ESR1: variants seen among roughly 807,000 people sequenced by gnomAD.
ESR1 encodes estrogen receptor.
In ESR1, 12 loss-of-function variants were observed where a neutral mutation model predicts 52.7. That is an observed-to-expected ratio of 0.23 (90% CI 0.15 to 0.37). The LOEUF (loss-of-function observed/expected upper bound fraction) is 0.37. Ranked by LOEUF, ESR1 falls within the 10% of genes least tolerant of loss-of-function variation. The pLI is 1.00. For missense variants in ESR1, 584 were observed against 779.7 expected, an observed-to-expected ratio of 0.75 and a Z score of 2.99; for synonymous variants, 305 against 316.8, an observed-to-expected ratio of 0.96 and a Z score of 0.39.
intron 5 of ESR1, among the ~76,000 whole-genome samples, chr6:152,034,939 A>G (rs2045151064): frequency 6.6e-6 from 1 of 152,214 alleles, no homozygotes; most frequent in South Asian, 2.1e-4. Flanking sequence ...GGAGTGATAG[A>G]TGTTTGCTAA....
intron 1 of ESR1, among the ~76,000 whole-genome samples, chr6:151,697,979 T>C (rs1482340434): frequency 1.3e-5 from 2 of 152,054 alleles, no homozygotes; most frequent in Non-Finnish European, 2.9e-5. Flanking sequence ...GCGCCTGTAG[T>C]CCCAGCTACT....
rs1166827378 is a variant in ESR1 at position 152,053,124 on chromosome 6, GA to G, written c.1236-7866del. ...CACATTTATTTCTTCTCATATCCTC[GA>G]GTTAGAAAAAGGTATTTCTCTCCTG... is the stretch of plus-strand genomic sequence containing the variant. On this transcript the variant is annotated intron_variant, in intron 5 of 7. Transcript: ENST00000206249. The surrounding 1 kb of genome is among the most constrained non-coding windows in gnomAD (Gnocchi z 4.1). Among the ~76,000 whole-genome samples the G allele has an allele frequency of 6.6e-6, 1 of 151,900 alleles. No individual in the cohort carries two copies. Among genetic ancestry groups the G allele is most frequent in the Non-Finnish European group, 1.5e-5 (1 of 67,966 alleles).
At chr6:152,035,755 A>C (rs548835560) in intron 5 of ESR1, among the ~76,000 whole-genome samples, 34 of 152,296 alleles carry the variant, frequency 2.2e-4, no homozygotes, top group African/African-American at 7.9e-4. Context: ...TCAGAAACCA[A>C]ACTCTACATT....
At chr6:151,686,048 C>A (rs1778651615), upstream of ESR1, among the ~76,000 whole-genome samples, 1 of 142,030 alleles carries the variant, frequency 7.0e-6, no homozygotes, top group Admixed American at 6.8e-5. Context: ...GCCATCACAT[C>A]CAGCTAATTA....
At chr6:151,832,635 C>T (rs1254254929) in intron 1 of ESR1, among the ~76,000 whole-genome samples, 1 of 152,154 alleles carries the variant, frequency 6.6e-6, no homozygotes, top group Non-Finnish European at 1.5e-5. Context: ...GCAACAGACT[C>T]AGCTATGCTT....
intron 1 of ESR1, among the ~76,000 whole-genome samples, chr6:151,698,248 C>A (rs1582927219): frequency 6.6e-6 from 1 of 152,034 alleles, no homozygotes; most frequent in East Asian, 1.9e-4. Flanking sequence ...CGCCTGTAGT[C>A]CCAGCTACTT....
intron 2 of ESR1, among the ~76,000 whole-genome samples, chr6:151,788,524 C>T (rs1374334603): frequency 6.6e-6 from 1 of 152,172 alleles, no homozygotes; most frequent in Admixed American, 6.5e-5. Context: ...TTAGTTCAAT[C>T]ATTGTGAAAA....
chr6:151,962,803 AT>A (rs1188435150), intron 4 of ESR1, among the ~76,000 whole-genome samples: 20 of 152,112 alleles, frequency 1.3e-4, no homozygotes, highest in Admixed American at 6.5e-5. Flanking sequence ...AGGCAGGACT[AT>A]TTTTTAAGAT....
intron 4 of ESR1, among the ~76,000 whole-genome samples, chr6:151,968,760 G>A (rs1185502747): frequency 6.6e-6 from 1 of 152,164 alleles, no homozygotes; most frequent in African/African-American, 2.4e-5. Flanking sequence ...TTCCGGGTCA[G>A]TGGATGGAGC....
intron 1 of ESR1, among the ~76,000 whole-genome samples, chr6:151,839,938 C>A (rs563305770): frequency 6.6e-6 from 1 of 151,896 alleles, no homozygotes; most frequent in African/African-American, 2.4e-5. Flanking sequence ...AGCGTGGTTA[C>A]GATGGTAAAT....
intron 3 of ESR1, among the ~76,000 whole-genome samples, chr6:151,903,860 TA>T (rs1454467417): frequency 6.6e-6 from 1 of 152,162 alleles, no homozygotes; most frequent in South Asian, 2.1e-4. Context: ...AACTTAGTAT[TA>T]AAAAAATATA....
At chr6:151,841,775 C>T (rs1784328709) in intron 1 of ESR1, among the ~76,000 whole-genome samples, 2 of 151,824 alleles carry the variant, frequency 1.3e-5, no homozygotes, top group Non-Finnish European at 2.9e-5. Flanking sequence ...TTGTCATGAT[C>T]AATCATAGCC....
chr6:151,737,241 T>G (rs1782746896), intron 2 of ESR1, among the ~76,000 whole-genome samples: 1 of 152,198 alleles, frequency 6.6e-6, no homozygotes, highest in Non-Finnish European at 1.5e-5. Flanking sequence ...GTGCATGTTA[T>G]TTTTAGACGT....
chr6:151,685,107 C>CTTTTTTTTTTTTTTTTTTTTTT (rs772122906), intron 1 of ESR1, among the ~76,000 whole-genome samples: 1 of 72,914 alleles, frequency 1.4e-5, no homozygotes, highest in African/African-American at 5.5e-5. Context: ...ACACTGGCCT[C>CTTTTTTTTTTTTTTTTTTTTTT]TTTTTTTTTT....
chr6:151,686,080 T>A (rs1047882204), upstream of ESR1, among the ~76,000 whole-genome samples: 2 of 147,416 alleles, frequency 1.4e-5, no homozygotes, highest in Non-Finnish European at 3.0e-5. Context: ...TTTTTTTTTT[T>A]TTTTTTTTAT....
intron 1 of ESR1, among the ~76,000 whole-genome samples, chr6:151,658,017 T>C (rs1346732599): frequency 2.0e-5 from 3 of 152,166 alleles, no homozygotes; most frequent in African/African-American, 7.2e-5. Context: ...GCTAGTTTTG[T>C]TTAACGATTT....
At chr6:151,703,636 A>C (rs781240394) in intron 2 of ESR1, among the ~76,000 whole-genome samples, 1 of 152,168 alleles carries the variant, frequency 6.6e-6, no homozygotes, top group Non-Finnish European at 1.5e-5. Context: ...GGGAGAGATA[A>C]TGAAGGAGGG....
At chr6:152,016,148 T>A (rs1051195727) in intron 5 of ESR1, among the ~76,000 whole-genome samples, 17 of 152,162 alleles carry the variant, frequency 1.1e-4, no homozygotes, top group African/African-American at 3.9e-4. Context: ...CCTGCTGCCA[T>A]GTAAGATGTG....
chr6:151,853,634 T>C (rs1215270726), intron 2 of ESR1, among the ~76,000 whole-genome samples: 1 of 152,186 alleles, frequency 6.6e-6, no homozygotes, highest in South Asian at 2.1e-4. Flanking sequence ...AGCTGAAGCT[T>C]TCAGAGGTCT....
Sources: allele counts gnomAD v4.1 joint callset (sites outside exome capture counted in the v4.1 genomes callset), GRCh38; gene constraint gnomAD v4.1.1; non-coding constraint Gnocchi (gnomAD v3.1); transcripts MANE v1.5; gene names NCBI Gene and HGNC (gene_info 2026-07-23, HGNC 2026-07-21).